Variants in GOLGA5 observed in about 807,000 individuals in gnomAD.
GOLGA5 encodes the protein golgin subfamily A member 5.
In GOLGA5, 50 loss-of-function variants were observed where a neutral mutation model predicts 93.5. The observed-to-expected ratio is 0.53, with a 90% CI of 0.43 to 0.68. The LOEUF is 0.68. Among genes scored for constraint, GOLGA5 ranks in the 30% least tolerant of loss-of-function variants. GOLGA5 has a pLI of 0.00. For synonymous variants in GOLGA5, 312 were observed against 304.5 expected (o/e 1.02, Z -0.26); for missense variants, 760 against 856.4 (o/e 0.89, Z 1.40).
chr14:92,802,904 C>G (rs1884904762), intron 2 of GOLGA5, among the ~76,000 whole-genome samples: 1 of 152,038 alleles, frequency 6.6e-6, no homozygotes, highest in African/African-American at 2.4e-5. Context: ...CACTGGGATG[C>G]AGGTGCACAC....
intron 1 of GOLGA5, among the ~76,000 whole-genome samples, chr14:92,796,424 G>A (rs12893982): frequency 6.6e-6 from 1 of 151,908 alleles, no homozygotes; most frequent in Non-Finnish European, 1.5e-5. Flanking sequence ...CTTCTGAGGC[G>A]TACTTCTTTT....
In GOLGA5 at chr14:92,811,634, C is replaced by T; in HGVS notation, c.1200C>T (p.Tyr400=). 3.7e-6 allele frequency: 6 copies of T among 1,611,980 alleles called. No individual in the cohort carries two copies. The highest frequency in any genetic ancestry group is 5.1e-6 in the Non-Finnish European group (6 of 1,178,398). The change falls in exon 6 of 13, where the codon TAC becomes TAT. Residue 400 remains tyrosine (Y), a synonymous_variant. Coordinates refer to ENST00000163416, the MANE Select transcript of GOLGA5 (RefSeq NM_005113.4). ...AEAITLAERK[Y]SDEKKRVDEL... ...CAATTACACTGGCCGAAAGAAAATA[C>T]TCAGATGAGAAGAAGAGGGTTGATG...
chr14:92,830,375 T>G (rs939960250), intron 9 of GOLGA5, among the ~76,000 whole-genome samples: 1 of 149,054 alleles, frequency 6.7e-6, no homozygotes, highest in African/African-American at 2.5e-5. Flanking sequence ...TTCGTAAACT[T>G]AAATCATTAT....
intron 9 of GOLGA5, among the ~76,000 whole-genome samples, chr14:92,827,392 T>C (rs1477019875): frequency 6.6e-6 from 1 of 152,252 alleles, no homozygotes. Context: ...TGACCTTTTA[T>C]ATAACTATTG....
At chr14:92,800,004 T>C (rs975615642) in intron 2 of GOLGA5, among the ~76,000 whole-genome samples, 2 of 152,236 alleles carry the variant, frequency 1.3e-5, no homozygotes, top group African/African-American at 2.4e-5. Context: ...ATAAAATCTT[T>C]CTTGTATTTT....
rs1566954049 is a variant in GOLGA5, at chr14:92,806,928, C to T, written c.737C>T (p.Ala246Val). 1.2e-6 allele frequency: 2 copies of T among 1,609,132 alleles called. No homozygotes were observed. The highest frequency in any genetic ancestry group is 1.7e-6 in the Non-Finnish European group (2 of 1,175,518). ...GTTCAGTCTTTAAATCAAGAAATGG[C>T]CTCGTTACTCCAAAGATCCAAAGAG... ...NEVQSLNQEM[A>V]SLLQRSKETQ... is the part of the protein sequence containing the mutation. The change falls in exon 3 of 13, where the codon GCC (alanine) becomes GTC (valine). Residue 246 changes from alanine (A) to valine (V), a missense_variant. Ala to Val is a moderately conservative substitution (Grantham distance 64). Coordinates refer to ENST00000163416, the MANE Select transcript of GOLGA5 (RefSeq NM_005113.4).
At chr14:92,807,797 TATTGTA>T (rs201745839) in intron 3 of GOLGA5, among the ~76,000 whole-genome samples, 10,049 of 124,932 alleles carry the variant, frequency 0.08, 394 homozygotes, top group Middle Eastern at 0.13. Context: ...ATGTGAATGT[TATTGTA>T]AGTGTGGCTG....
chr14:92,832,875 T>C (rs992785484), intron 9 of GOLGA5, among the ~76,000 whole-genome samples: 2 of 152,210 alleles, frequency 1.3e-5, no homozygotes, highest in African/African-American at 4.8e-5. Flanking sequence ...CTTTTATATA[T>C]ACTATATGTT....
chr14:92,820,610 A>G, intron 8 of GOLGA5, among the ~76,000 whole-genome samples: 1 of 152,194 alleles, frequency 6.6e-6, no homozygotes, highest in East Asian at 1.9e-4. Flanking sequence ...CCACGAGGCC[A>G]TATCTCAGGC....
At chr14:92,836,441 T>G (rs1360298856) in intron 11 of GOLGA5, among the ~76,000 whole-genome samples, 21 of 152,190 alleles carry the variant, frequency 1.4e-4, no homozygotes, top group Admixed American at 1.4e-3. Context: ...CAACTATTCA[T>G]TTATTCAACA....
At chr14:92,827,569 A>T (rs1339609307) in intron 9 of GOLGA5, among the ~76,000 whole-genome samples, 1 of 152,198 alleles carries the variant, frequency 6.6e-6, no homozygotes, top group Non-Finnish European at 1.5e-5. Context: ...AGGCCAATTA[A>T]TAAACCTACA....
At chr14:92,806,378 T>C (rs1384249232) in intron 2 of GOLGA5, among the ~76,000 whole-genome samples, 2 of 152,198 alleles carry the variant, frequency 1.3e-5, no homozygotes, top group African/African-American at 4.8e-5. Flanking sequence ...GGTGCAATCT[T>C]GGCTCACTGC....
intron 7 of GOLGA5, among the ~76,000 whole-genome samples, chr14:92,819,179 G>A (rs1885264714): frequency 6.6e-6 from 1 of 152,256 alleles, no homozygotes; most frequent in East Asian, 1.9e-4. Context: ...AGCCTCTGCC[G>A]ATACTCGTGA....
At chr14:92,812,165 T>G (rs1885117120) in intron 6 of GOLGA5, among the ~76,000 whole-genome samples, 1 of 152,340 alleles carries the variant, frequency 6.6e-6, no homozygotes, top group African/African-American at 2.4e-5. Context: ...ACCCTCTACT[T>G]TACTAAGAAA....
chr14:92,807,090 A>T, intron 3 of GOLGA5, 127 bp downstream of exon 3: 1 of 624,412 alleles, frequency 1.6e-6, no homozygotes, highest in Non-Finnish European at 2.9e-6. Flanking sequence ...GCCTGAGGTC[A>T]GGAGTTCAAG....
chr14:92,832,606 AATTAACC>A (rs1328802301), intron 9 of GOLGA5, among the ~76,000 whole-genome samples: 1 of 152,236 alleles, frequency 6.6e-6, no homozygotes, highest in African/African-American at 2.4e-5. Context: ...GAAGTATAGC[AATTAACC>A]TGAAGTCAAA....
chr14:92,807,494 G>T (rs17128578), intron 3 of GOLGA5, among the ~76,000 whole-genome samples: 5 of 152,076 alleles, frequency 3.3e-5, no homozygotes, highest in African/African-American at 1.2e-4. Context: ...TCGCTTCTTT[G>T]GTCATCCTTT....
intron 6 of GOLGA5, among the ~76,000 whole-genome samples, 182 bp from the exon 7 acceptor site, chr14:92,816,069 A>G (rs1429490942): frequency 1.3e-5 from 2 of 152,182 alleles, no homozygotes; most frequent in Non-Finnish European, 2.9e-5. Context: ...CTAAAGTCCA[A>G]GGACATTATA....
intron 1 of GOLGA5, among the ~76,000 whole-genome samples, chr14:92,794,844 C>T (rs1884685043): frequency 6.6e-6 from 1 of 152,118 alleles, no homozygotes; most frequent in African/African-American, 2.4e-5. Context: ...GCCTGGCCTT[C>T]GAAGCAGGCC....
Sources: allele counts gnomAD v4.1 joint callset (sites outside exome capture counted in the v4.1 genomes callset), GRCh38; gene constraint gnomAD v4.1.1; transcripts MANE v1.5; gene names NCBI Gene and HGNC (gene_info 2026-07-23, HGNC 2026-07-21).